FHOD3: variants seen among roughly 807,000 people sequenced by gnomAD.
The protein encoded by FHOD3 is formin homology 2 domain containing 3.
FHOD3 carries 90 observed loss-of-function variants against 173.0 expected under a neutral mutation model. The ratio of observed to expected loss-of-function variants is 0.52; its 90% CI spans 0.44 to 0.62. The LOEUF (loss-of-function observed/expected upper bound fraction) is 0.62. Among genes scored for constraint, FHOD3 ranks in the 20% least tolerant of loss-of-function variants. The pLI is 0.00. For synonymous variants in FHOD3, 828 were observed against 823.0 expected, an observed-to-expected ratio of 1.01 and a Z score of -0.10; for missense variants, 1,945 against 2,034.7, an observed-to-expected ratio of 0.96 and a Z score of 0.85.
intron 5 of FHOD3, among the ~76,000 whole-genome samples, chr18:36,525,087 C>T (rs2056452825): frequency 6.6e-6 from 1 of 152,116 alleles, no homozygotes; most frequent in Admixed American, 6.5e-5. Context: ...AATCCCCTCC[C>T]CTTGAGTTTA....
At chr18:36,486,265 T>C (rs2054187392) in intron 3 of FHOD3, among the ~76,000 whole-genome samples, 1 of 152,200 alleles carries the variant, frequency 6.6e-6, no homozygotes, top group South Asian at 2.1e-4. Flanking sequence ...CTACACTTGG[T>C]GTTCAGTTTC....
intron 10 of FHOD3, among the ~76,000 whole-genome samples, chr18:36,645,174 G>GCTGATGCCTGTAATCCCAGGA (rs150696888): frequency 6.6e-6 from 1 of 151,814 alleles, no homozygotes; most frequent in South Asian, 2.1e-4. Flanking sequence ...GGGCATGGTG[G>GCTGATGCCTGTAATCCCAGGA]CTTTGGGAGG....
At chr18:36,664,184 C>T (rs1226589011) in intron 14 of FHOD3, among the ~76,000 whole-genome samples, 1 of 152,034 alleles carries the variant, frequency 6.6e-6, no homozygotes, top group African/African-American at 2.4e-5. Flanking sequence ...TTTTAAAAAA[C>T]AAACTTCTCT....
At chr18:36,388,983 TG>T (rs561657226) in intron 3 of FHOD3, among the ~76,000 whole-genome samples, 3 of 151,888 alleles carry the variant, frequency 2.0e-5, no homozygotes, top group African/African-American at 7.3e-5. Flanking sequence ...GTGAGCAGGA[TG>T]GGGGGGCCCT....
chr18:36,389,537 G>A (rs1312190158), intron 3 of FHOD3, among the ~76,000 whole-genome samples: 9 of 152,092 alleles, frequency 5.9e-5, no homozygotes, highest in East Asian at 1.9e-4. Context: ...TGCCAGTCCC[G>A]CATACTCCTC....
chr18:36,769,797 G>T (rs543125386), intron 28 of FHOD3, among the ~76,000 whole-genome samples: 30 of 152,220 alleles, frequency 2.0e-4, no homozygotes, highest in African/African-American at 7.2e-4. Context: ...CTGTGTTTCT[G>T]CCCTGCACCC....
At position 36,522,786 on chromosome 18, in the gene FHOD3, C is replaced by T. The variant is rs147546948; in HGVS notation, c.511+10243C>T. 1.9e-3 allele frequency among the ~76,000 whole-genome samples: 288 copies of T among 152,066 alleles called. 1 individual carries two copies. The highest frequency in any genetic ancestry group is 6.4e-3 in the African/African-American group (265 of 41,488). On this transcript the variant is annotated intron_variant, in intron 5 of 28. Transcript: ENST00000590592. ...TTGTTGAGTGTTTTATGGGTGATTC[C>T]GGGTAAGCACAAAGTTTATACCAAG...
At chr18:36,634,854 G>A (rs1322365676) in intron 10 of FHOD3, among the ~76,000 whole-genome samples, 6 of 152,200 alleles carry the variant, frequency 3.9e-5, no homozygotes, top group Admixed American at 6.5e-5. Flanking sequence ...GAATATGGAC[G>A]TGAATTGGAG....
At chr18:36,638,613 C>T (rs1236279620) in intron 10 of FHOD3, among the ~76,000 whole-genome samples, 3 of 152,168 alleles carry the variant, frequency 2.0e-5, no homozygotes, top group Non-Finnish European at 4.4e-5. Context: ...CCAGGGTAGT[C>T]TCAACCCTGC....
intron 2 of FHOD3, among the ~76,000 whole-genome samples, chr18:36,365,744 G>T (rs1293181168): frequency 1.3e-5 from 2 of 152,194 alleles, no homozygotes; most frequent in East Asian, 3.8e-4. Context: ...CACTGAGCTG[G>T]TGACGGCCGG....
intron 24 of FHOD3, among the ~76,000 whole-genome samples, chr18:36,753,763 G>A (rs1325480976): frequency 2.0e-5 from 3 of 152,204 alleles, no homozygotes; most frequent in African/African-American, 7.2e-5. Flanking sequence ...GTGGGTGTAT[G>A]TGGTGTCTCC....
intron 5 of FHOD3, among the ~76,000 whole-genome samples, chr18:36,518,223 A>G (rs191009444): frequency 2.7e-4 from 41 of 152,322 alleles, no homozygotes; most frequent in African/African-American, 9.1e-4. Flanking sequence ...AACTAAGGTT[A>G]GGTCTTTGGC....
At chr18:36,562,919 G>A (rs974380101) in intron 5 of FHOD3, among the ~76,000 whole-genome samples, 5 of 152,280 alleles carry the variant, frequency 3.3e-5, no homozygotes, top group African/African-American at 1.2e-4. Context: ...AGGCTTTGCT[G>A]TGATGATTCT....
intron 1 of FHOD3, among the ~76,000 whole-genome samples, chr18:36,323,272 G>A (rs143468196): frequency 2.0e-5 from 3 of 152,288 alleles, no homozygotes; most frequent in South Asian, 4.1e-4. Flanking sequence ...ATGCCTCCAC[G>A]TAACACCAGG....
At chr18:36,601,279 G>A (rs1167444595) in intron 7 of FHOD3, among the ~76,000 whole-genome samples, 2 of 152,216 alleles carry the variant, frequency 1.3e-5, no homozygotes, top group Non-Finnish European at 2.9e-5. Flanking sequence ...ATTCACTTAG[G>A]AAAGCCAGGA....
At chr18:36,712,961 G>A (rs7231184) in intron 18 of FHOD3, among the ~76,000 whole-genome samples, 32,168 of 152,008 alleles carry the variant, frequency 0.21, 3,968 homozygotes, top group African/African-American at 0.34. Context: ...AGGAAGGGGC[G>A]CAACATTTTG....
chr18:36,776,490 G>A (rs993184707), intron 28 of FHOD3, among the ~76,000 whole-genome samples: 1 of 152,204 alleles, frequency 6.6e-6, no homozygotes, highest in Admixed American at 6.5e-5. Context: ...TTCAAGTGGT[G>A]AGGTGAATTA....
At chr18:36,508,877 T>C (rs1198065891) in intron 4 of FHOD3, among the ~76,000 whole-genome samples, 1 of 152,202 alleles carries the variant, frequency 6.6e-6, no homozygotes, top group African/African-American at 2.4e-5. Flanking sequence ...ATTTAATGGA[T>C]CTATGTGGTG....
At chr18:36,607,972 C>T (rs1017543501) in intron 8 of FHOD3, among the ~76,000 whole-genome samples, 6 of 152,200 alleles carry the variant, frequency 3.9e-5, no homozygotes, top group African/African-American at 9.6e-5. Context: ...TCTGACTTTT[C>T]GTACAACTAT....
Sources: gnomAD v4.1 joint callset for allele counts (sites outside exome capture counted in the v4.1 genomes callset) on GRCh38, gnomAD v4.1.1 for gene constraint, MANE v1.5 for transcripts, NCBI Gene and HGNC (gene_info 2026-07-23, HGNC 2026-07-21) for gene names.